Variants in TMEM248 observed in about 807,000 individuals in gnomAD.
TMEM248 encodes the protein UPF0458 protein C7orf42.
In TMEM248, 9 loss-of-function variants were observed where a neutral mutation model predicts 30.3. That is an observed-to-expected ratio of 0.30 (90% CI 0.18 to 0.52). The LOEUF (loss-of-function observed/expected upper bound fraction) is 0.52, where lower values mean the gene tolerates loss of function less well. TMEM248 is among the 20% of genes least tolerant of loss of function. The probability of loss-of-function intolerance (pLI) is 0.97; values close to 1 mark genes in which losing one functional copy is unlikely to be tolerated. For missense variants in TMEM248, 338 were observed against 403.3 expected (o/e 0.84, Z 1.39); for synonymous variants, 184 against 154.4 (o/e 1.19, Z -1.42).
intron 1 of TMEM248, among the ~76,000 whole-genome samples, chr7:66,925,701 T>TA (rs1216822076): frequency 2.1e-5 from 2 of 95,460 alleles, no homozygotes; most frequent in African/African-American, 7.0e-5. Flanking sequence ...TTTCTTTTTT[T>TA]TTTTTTTGGA....
At chr7:66,926,417 C>G (rs999227576) in intron 1 of TMEM248, among the ~76,000 whole-genome samples, 1 of 152,094 alleles carries the variant, frequency 6.6e-6, no homozygotes, top group Non-Finnish European at 1.5e-5. Context: ...GTCAGGAGTT[C>G]GAGACTAACC....
At position 66,955,537 on chromosome 7, in the gene TMEM248, G is replaced by GT. The variant is rs1792378603; in HGVS notation, c.*21dup. ...CTGAAGCCTAATTCCACAGCTCCTTGTTTTTTGAGAGAGACTGAGAGAACC... is the reference window on the plus strand; with the variant it reads ...CTGAAGCCTAATTCCACAGCTCCTTGTTTTTTTGAGAGAGACTGAGAGAACC... On this transcript the variant is annotated 3_prime_UTR_variant, in exon 7 of 7. Coordinates refer to ENST00000341567, the MANE Select transcript of TMEM248 (RefSeq NM_017994.5). 6.2e-7 allele frequency: 1 copy of GT among 1,614,018 alleles called. No homozygotes were observed.
intron 1 of TMEM248, chr7:66,922,114 GA>G (rs1791400506): frequency 6.6e-6 from 1 of 152,250 alleles, no homozygotes; most frequent in Non-Finnish European, 1.5e-5. Flanking sequence ...CTTTGTGGAA[GA>G]ATCTGATGTC....
intron 1 of TMEM248, among the ~76,000 whole-genome samples, chr7:66,925,998 A>G (rs1003920532): frequency 5.3e-5 from 8 of 152,192 alleles, no homozygotes; most frequent in African/African-American, 1.9e-4. Flanking sequence ...GTACTAATTT[A>G]CATTCCCACA....
At chr7:66,937,858 G>C (rs1791845336) in intron 1 of TMEM248, among the ~76,000 whole-genome samples, 1 of 152,020 alleles carries the variant, frequency 6.6e-6, no homozygotes, top group Non-Finnish European at 1.5e-5. Context: ...TTATAGGCAT[G>C]CACCACCACA....
At chr7:66,923,953 AC>A (rs1231588729) in intron 1 of TMEM248, among the ~76,000 whole-genome samples, 1 of 152,246 alleles carries the variant, frequency 6.6e-6, no homozygotes, top group Non-Finnish European at 1.5e-5. Context: ...GGCGTGAGCC[AC>A]CAGGCCTGGC....
intron 1 of TMEM248, among the ~76,000 whole-genome samples, chr7:66,937,689 C>T (rs1791840320): frequency 6.6e-6 from 1 of 152,116 alleles, no homozygotes; most frequent in Admixed American, 6.6e-5. Flanking sequence ...TTTCCATTTG[C>T]ATGGAATATC....
intron 1 of TMEM248, 144 bp from the exon 2 acceptor site, chr7:66,941,704 A>G: frequency 1.7e-5 from 11 of 633,464 alleles, no homozygotes; most frequent in Non-Finnish European, 2.4e-5. Flanking sequence ...CTTTTGAATG[A>G]AGTTATGATC....
At chr7:66,934,428 T>G (rs949081941) in intron 1 of TMEM248, among the ~76,000 whole-genome samples, 1 of 152,228 alleles carries the variant, frequency 6.6e-6, no homozygotes. Flanking sequence ...CTCGAACGCC[T>G]GACCTCAGGT....
Position 66,955,677 on chromosome 7 carries a change from A to T in TMEM248, c.*155A>T, listed in dbSNP as rs1584420413. The T allele has an allele frequency of 3.3e-6, 3 of 916,026 alleles. No individual in the cohort carries two copies. In the East Asian group the frequency reaches 7.6e-5, roughly 23 times the overall value. 56.7% of individuals were successfully genotyped at this position (916,026 alleles called of 1,614,324 possible). A position where few individuals can be genotyped will look rare whatever the true frequency, so the allele number is the denominator to read the frequency against. ...TCAAGTGCCTGTAACTGATTTGTACATATTTATAAAAATCTATTCAGAAAT... is the reference window on the plus strand; with the variant it reads ...TCAAGTGCCTGTAACTGATTTGTACTTATTTATAAAAATCTATTCAGAAAT... On this transcript the variant is annotated 3_prime_UTR_variant, in exon 7 of 7. Transcript: ENST00000341567.
intron 1 of TMEM248, among the ~76,000 whole-genome samples, chr7:66,924,780 G>T (rs957314918): frequency 2.0e-5 from 3 of 151,830 alleles, no homozygotes; most frequent in Non-Finnish European, 4.4e-5. Flanking sequence ...GCATGACCTC[G>T]GTCACTGCAA....
Position 66,945,039 on chromosome 7 carries a change from C to T in TMEM248, c.223C>T (p.Leu75Phe). Residue 75 changes from leucine (L) to phenylalanine (F), a missense_variant, in exon 3 of 7, where the codon CTC becomes TTC. Coordinates refer to ENST00000341567, the MANE Select transcript of TMEM248 (RefSeq NM_017994.5). The stretch of plus-strand genomic sequence containing the variant: ...CTTGTGTGTATCAGAGAATGAAACC[C>T]TCAAGCATCTCACAAACGACACCAC... ...LDLCVSENET[L>F]KHLTNDTTTP... 6.2e-7 allele frequency: 1 copy of T among 1,614,218 alleles called. No homozygotes were observed. Among genetic ancestry groups the T allele is most frequent in the Non-Finnish European group, 8.5e-7 (1 of 1,180,048 alleles).
chr7:66,928,898 C>T (rs1000577303), intron 1 of TMEM248, among the ~76,000 whole-genome samples: 1 of 152,146 alleles, frequency 6.6e-6, no homozygotes, highest in Non-Finnish European at 1.5e-5. Context: ...GGTGATCCCT[C>T]CACCTCAGCC....
At chr7:66,945,660 G>T (rs1046664017) in intron 3 of TMEM248, among the ~76,000 whole-genome samples, 2 of 152,206 alleles carry the variant, frequency 1.3e-5, no homozygotes, top group African/African-American at 4.8e-5. Flanking sequence ...ACTAGAAAAT[G>T]ACTAAGATGG....
At position 66,955,387 on chromosome 7, in the gene TMEM248, A is replaced by G. The variant is rs1584420229; in HGVS notation, c.925-115A>G. On this transcript the variant is annotated intron_variant, in intron 6 of 6. Transcript: ENST00000341567. ...GAGATTTTCTTTTTAGGGATTTAGTAACTTCACTGTCTGGTTGATATGTGC... is the reference window on the plus strand; with the variant it reads ...GAGATTTTCTTTTTAGGGATTTAGTGACTTCACTGTCTGGTTGATATGTGC... The G allele has an allele frequency of 4.2e-6, 5 of 1,195,966 alleles. No individual in the cohort carries two copies. The East Asian group carries it at 1.2e-4, about 28-fold the overall frequency. The allele number at this position is 1,195,966 out of a possible 1,614,324, so 74.1% of individuals were successfully genotyped here.
chr7:66,944,901 G>A (rs1052570711), intron 2 of TMEM248, 75 bp from the exon 3 acceptor site: 1 of 1,515,836 alleles, frequency 6.6e-7, no homozygotes, highest in Non-Finnish European at 9.0e-7. Flanking sequence ...GCCACACTGG[G>A]GTCTTACCTG....
chr7:66,933,161 C>CGGA (rs1791712586), intron 1 of TMEM248, among the ~76,000 whole-genome samples: 3 of 152,106 alleles, frequency 2.0e-5, no homozygotes, highest in Non-Finnish European at 4.4e-5. Flanking sequence ...TGCCTAGCTC[C>CGGA]CGCTTTGTTT....
chr7:66,937,936 G>C (rs1236916367), intron 1 of TMEM248, among the ~76,000 whole-genome samples: 2 of 152,114 alleles, frequency 1.3e-5, no homozygotes, highest in African/African-American at 4.8e-5. Flanking sequence ...CTGTTGGTCA[G>C]GCTGGTCTCG....
intron 1 of TMEM248, among the ~76,000 whole-genome samples, chr7:66,933,908 A>T (rs1486376013): frequency 6.6e-6 from 1 of 151,000 alleles, no homozygotes; most frequent in Non-Finnish European, 1.5e-5. Flanking sequence ...CCCTAATTGG[A>T]GTTGGAATGA....
Sources: gnomAD v4.1 joint callset for allele counts (sites outside exome capture counted in the v4.1 genomes callset) on GRCh38, gnomAD v4.1.1 for gene constraint, MANE v1.5 for transcripts, NCBI Gene and HGNC (gene_info 2026-07-23, HGNC 2026-07-21) for gene names.